The following SESN3 variants were observed in gnomAD, a reference collection of about 807,000 sequenced individuals.
The protein encoded by SESN3 is sestrin 3.
A neutral mutation model predicts 55.3 loss-of-function variants in SESN3; 21 were observed. The ratio of observed to expected loss-of-function variants is 0.38; its 90% CI spans 0.27 to 0.55. The LOEUF (loss-of-function observed/expected upper bound fraction) is 0.55. SESN3 is among the 20% of genes least tolerant of loss of function. The pLI is 0.76. For missense variants in SESN3, 408 were observed against 604.3 expected, an observed-to-expected ratio of 0.68 and a Z score of 3.41; for synonymous variants, 181 against 203.1, an observed-to-expected ratio of 0.89 and a Z score of 0.93.
chr11:95,175,495 T>C lies in SESN3; in HGVS notation c.1392+3A>G, dbSNP rs767686542. On this transcript the variant is annotated splice_donor_region_variant and intron_variant, in intron 9 of 9. Coordinates refer to ENST00000536441, the MANE Select transcript of SESN3 (RefSeq NM_144665.4). ...GTATAATGCTTAATACTGAAACACGTACTTTTTCTGAGTGTTTGAACTGCC... is the reference window on the plus strand; with the variant it reads ...GTATAATGCTTAATACTGAAACACGCACTTTTTCTGAGTGTTTGAACTGCC... 3.1e-6 allele frequency: 5 copies of C among 1,612,958 alleles called. No homozygotes were observed. The East Asian group carries it at 8.9e-5, about 29-fold the overall frequency.
intron 1 of SESN3, among the ~76,000 whole-genome samples, chr11:95,213,621 T>C (rs1860699697): frequency 6.6e-6 from 1 of 152,148 alleles, no homozygotes; most frequent in Admixed American, 6.6e-5. Flanking sequence ...ATCGTAGGAG[T>C]TGGCTGAAAA....
rs146426052 is a variant in SESN3 at position 95,226,734 on chromosome 11, G to C, written c.78+4049C>G. 5.1e-3 allele frequency among the ~76,000 whole-genome samples: 782 copies of C among 152,196 alleles called. 3 individuals are homozygous for C. Among genetic ancestry groups the C allele is most frequent in the Non-Finnish European group, 6.9e-3 (470 of 67,998 alleles). ...CAGAACAAATTGTAATTCAAGACCT[G>C]CACAAGAATAATTTTGTAATGAAAG... On this transcript the variant is annotated intron_variant, in intron 1 of 9. Coordinates refer to ENST00000536441, the MANE Select transcript of SESN3 (RefSeq NM_144665.4).
At chr11:95,198,590 T>G (rs1427507518) in intron 1 of SESN3, among the ~76,000 whole-genome samples, 2 of 152,212 alleles carry the variant, frequency 1.3e-5, no homozygotes, top group Non-Finnish European at 2.9e-5. Flanking sequence ...ACAATGGCTT[T>G]TAAATAATAA....
intron 6 of SESN3, among the ~76,000 whole-genome samples, chr11:95,181,952 A>G (rs1860066391): frequency 6.6e-6 from 1 of 152,070 alleles, no homozygotes; most frequent in African/African-American, 2.4e-5. Flanking sequence ...TTTTATATAT[A>G]TGTGTGTATA....
intron 1 of SESN3, among the ~76,000 whole-genome samples, chr11:95,226,869 C>T (rs532873806): frequency 6.6e-6 from 1 of 152,258 alleles, no homozygotes; most frequent in East Asian, 1.9e-4. Context: ...AAATTTAATG[C>T]AACTCAAGCA....
chr11:95,187,915 C>T (rs1308334174), intron 4 of SESN3, among the ~76,000 whole-genome samples: 2 of 151,590 alleles, frequency 1.3e-5, no homozygotes, highest in Non-Finnish European at 3.0e-5. Context: ...TTGTCCCACC[C>T]ACTTTCTCCA....
At chr11:95,228,751 G>A (rs943333567) in intron 1 of SESN3, among the ~76,000 whole-genome samples, 4 of 152,072 alleles carry the variant, frequency 2.6e-5, no homozygotes, top group African/African-American at 7.2e-5. Flanking sequence ...AAATACCTTG[G>A]AGTTACTAAA....
intron 1 of SESN3, among the ~76,000 whole-genome samples, chr11:95,220,340 C>T (rs1413929647): frequency 6.6e-6 from 1 of 152,014 alleles, no homozygotes; most frequent in Non-Finnish European, 1.5e-5. Context: ...CAGATAATAT[C>T]TTTTGTCACA....
In SESN3 at chr11:95,185,515, A is replaced by G. The variant is rs185185628; in HGVS notation, c.526-23T>C. 8.9e-6 allele frequency: 13 copies of G among 1,462,424 alleles called. No individual in the cohort carries two copies. In the African/African-American group the frequency reaches 1.8e-4, roughly 20 times the overall value. The allele number at this position is 1,462,424 out of a possible 1,614,324, so 90.6% of individuals were successfully genotyped here. ...TTTCTGAAATAAGAAAGCAAATCAG[A>G]GCAAATATAAAAATTCTAGAATGCT... On this transcript the variant is annotated intron_variant, in intron 4 of 9. Coordinates refer to ENST00000536441, the MANE Select transcript of SESN3 (RefSeq NM_144665.4).
In SESN3 at chr11:95,181,064, G is replaced by A. The variant is rs181461806; in HGVS notation, c.938-2236C>T. ...TGCAAAGTAAAATAAAGCCAAAAAC[G>A]GTAAGTAATAACTAAACTCTATAAA... On this transcript the variant is annotated intron_variant, in intron 6 of 9. Coordinates refer to ENST00000536441, the MANE Select transcript of SESN3 (RefSeq NM_144665.4). 3.3e-5 allele frequency among the ~76,000 whole-genome samples: 5 copies of A among 152,118 alleles called. No individual in the cohort carries two copies. In the East Asian group the frequency reaches 5.8e-4, roughly 18 times the overall value.
chr11:95,226,913 C>A (rs544531222), intron 1 of SESN3, among the ~76,000 whole-genome samples: 3 of 152,154 alleles, frequency 2.0e-5, no homozygotes, highest in Non-Finnish European at 4.4e-5. Context: ...AGGGTCCATA[C>A]GAAGCAGTTT....
intron 8 of SESN3, among the ~76,000 whole-genome samples, chr11:95,175,877 G>A (rs1163770388): frequency 1.3e-5 from 2 of 152,016 alleles, no homozygotes; most frequent in Admixed American, 6.6e-5. Flanking sequence ...TTTTGTTGAA[G>A]AAAAAACGAA....
rs958358922 is a variant in SESN3 at position 95,166,495 on chromosome 11, T to C, written c.*6760A>G. 4 of 152,242 alleles carry C rather than the reference T, an allele frequency of 2.6e-5. No homozygotes were observed. The highest frequency in any genetic ancestry group is 5.9e-5 in the Non-Finnish European group (4 of 68,028). The allele number at this position is 152,242 out of a possible 1,614,324, so 9.4% of individuals were successfully genotyped here. ...TCAAGAAGTTGGCAATCTGATTTCATGTGCAATTCAGCTACAGTCTTAATA... is the reference window on the plus strand; with the variant it reads ...TCAAGAAGTTGGCAATCTGATTTCACGTGCAATTCAGCTACAGTCTTAATA... On this transcript the variant is annotated 3_prime_UTR_variant, in exon 10 of 10. Coordinates refer to ENST00000536441, the MANE Select transcript of SESN3 (RefSeq NM_144665.4).
chr11:95,199,938 T>A (rs999578731), intron 1 of SESN3, among the ~76,000 whole-genome samples: 2 of 152,062 alleles, frequency 1.3e-5, no homozygotes, highest in African/African-American at 4.8e-5. Flanking sequence ...CCACAATTTT[T>A]AAAGATATCC....
At position 95,208,032 on chromosome 11, in the gene SESN3, AAAT is replaced by A. The variant is rs1466112470; in HGVS notation, c.79-14513_79-14511del. 1.4e-4 allele frequency among the ~76,000 whole-genome samples: 18 copies of A among 133,276 alleles called. No homozygotes were observed. The East Asian group carries it at 3.8e-3, about 28-fold the overall frequency. The allele number at this position is 133,276 out of a possible 152,430, so 87.4% of individuals were successfully genotyped here. ...AAGCATACCATACTCTAAAAAAAAG[AAAT>A]AATAATAATCTATTTATTGTCAGGA... On this transcript the variant is annotated intron_variant, in intron 1 of 9. Coordinates refer to ENST00000536441, the MANE Select transcript of SESN3 (RefSeq NM_144665.4).
At chr11:95,210,186 G>T (rs1591069790) in intron 1 of SESN3, among the ~76,000 whole-genome samples, 1 of 151,320 alleles carries the variant, frequency 6.6e-6, no homozygotes. Context: ...ATGGACACAG[G>T]GAGGGGAATA....
intron 1 of SESN3, among the ~76,000 whole-genome samples, chr11:95,215,280 C>G (rs527968759): frequency 2.0e-5 from 3 of 151,484 alleles, no homozygotes; most frequent in East Asian, 3.9e-4. Flanking sequence ...GGGTAATAAT[C>G]TAACAAACTC....
At chr11:95,216,121 A>C (rs1565474601) in intron 1 of SESN3, among the ~76,000 whole-genome samples, 1 of 151,838 alleles carries the variant, frequency 6.6e-6, no homozygotes, top group African/African-American at 2.4e-5. Flanking sequence ...AAAAAAAAAA[A>C]AAAAGAAATC....
At chr11:95,218,711 C>T (rs370137767) in intron 1 of SESN3, among the ~76,000 whole-genome samples, 1 of 143,470 alleles carries the variant, frequency 7.0e-6, no homozygotes, top group Non-Finnish European at 1.5e-5. Flanking sequence ...AGTGCAATGG[C>T]GCGATCTCAG....
Sources: allele counts gnomAD v4.1 joint callset (sites outside exome capture counted in the v4.1 genomes callset), GRCh38; gene constraint gnomAD v4.1.1; transcripts MANE v1.5; gene names NCBI Gene and HGNC (gene_info 2026-07-23, HGNC 2026-07-21).